The following CSMD1 variants were observed in gnomAD, a reference collection of about 807,000 sequenced individuals.
CSMD1 encodes the protein CUB and sushi domain-containing protein 1.
In CSMD1, 213 loss-of-function variants were observed where a neutral mutation model predicts 417.5. The ratio of observed to expected loss-of-function variants is 0.51; its 90% CI spans 0.46 to 0.57. The LOEUF is 0.57. Ranked by LOEUF, CSMD1 falls within the 20% of genes least tolerant of loss-of-function variation. The pLI is 0.00. For synonymous variants in CSMD1, 2,862 were observed against 1,736.8 expected, an observed-to-expected ratio of 1.65 and a Z score of -16.11; for missense variants, 6,923 against 4,529.7, an observed-to-expected ratio of 1.53 and a Z score of -15.17.
intron 1 of CSMD1, among the ~76,000 whole-genome samples, chr8:4,706,098 A>T (rs1236750637): frequency 6.6e-6 from 1 of 150,506 alleles, no homozygotes; most frequent in Non-Finnish European, 1.5e-5. Context: ...TATAATATAT[A>T]AAAACTATAT....
At chr8:3,942,177 T>TGGGA (rs1810928153) in intron 5 of CSMD1, among the ~76,000 whole-genome samples, 1 of 151,924 alleles carries the variant, frequency 6.6e-6, no homozygotes, top group Non-Finnish European at 1.5e-5. Context: ...AAACAAGGTG[T>TGGGA]GGGCTCCCAC....
At chr8:4,293,747 T>C (rs151062325) in intron 3 of CSMD1, among the ~76,000 whole-genome samples, 186 of 152,330 alleles carry the variant, frequency 1.2e-3, no homozygotes, top group African/African-American at 4.2e-3. Flanking sequence ...AAAGCACAGA[T>C]ATTTTTGTCT....
chr8:4,159,096 A>G (rs747614698), intron 3 of CSMD1, among the ~76,000 whole-genome samples: 2 of 152,008 alleles, frequency 1.3e-5, no homozygotes, highest in African/African-American at 2.4e-5. Flanking sequence ...TTGTATTTTT[A>G]GTAGAGACGA....
At chr8:3,045,170 T>C (rs1480772050) in intron 50 of CSMD1, among the ~76,000 whole-genome samples, 3 of 152,236 alleles carry the variant, frequency 2.0e-5, no homozygotes, top group East Asian at 3.9e-4. Flanking sequence ...AATGTTAACA[T>C]GGATTTCCAT....
At chr8:3,962,852 G>C (rs528443026) in intron 5 of CSMD1, among the ~76,000 whole-genome samples, 1 of 152,134 alleles carries the variant, frequency 6.6e-6, no homozygotes, top group African/African-American at 2.4e-5. Flanking sequence ...AAACAGACAT[G>C]ATTTCTATTA....
At chr8:4,541,199 A>T (rs538272414) in intron 2 of CSMD1, among the ~76,000 whole-genome samples, 3 of 152,234 alleles carry the variant, frequency 2.0e-5, no homozygotes, top group African/African-American at 7.2e-5. Flanking sequence ...GCATCTAGGG[A>T]CTGGAAGTCC....
chr8:4,626,660 G>A (rs531719554), intron 2 of CSMD1, among the ~76,000 whole-genome samples: 71 of 152,192 alleles, frequency 4.7e-4, no homozygotes, highest in African/African-American at 1.6e-3. Context: ...TTCTGAGGAA[G>A]AGCTCTGCAG....
chr8:3,066,061 C>G (rs1168432301), intron 49 of CSMD1, among the ~76,000 whole-genome samples: 1 of 152,126 alleles, frequency 6.6e-6, no homozygotes. Context: ...CCAAAGGTTA[C>G]AGAAAAATTG....
At chr8:3,908,302 T>C (rs1808242167) in intron 5 of CSMD1, among the ~76,000 whole-genome samples, 1 of 152,198 alleles carries the variant, frequency 6.6e-6, no homozygotes, top group African/African-American at 2.4e-5. Flanking sequence ...GCATATATCA[T>C]GAAAGGAAAT....
intron 3 of CSMD1, among the ~76,000 whole-genome samples, chr8:4,198,174 G>C (rs759724048): frequency 1.3e-5 from 2 of 152,168 alleles, no homozygotes; most frequent in African/African-American, 2.4e-5. Context: ...AGCATGATCA[G>C]GGGAGTCATT....
chr8:3,971,245 G>T (rs1585054546), intron 5 of CSMD1, among the ~76,000 whole-genome samples: 1 of 152,126 alleles, frequency 6.6e-6, no homozygotes, highest in African/African-American at 2.4e-5. Context: ...GCGCACTTCT[G>T]CCTGAGTTTT....
intron 5 of CSMD1, among the ~76,000 whole-genome samples, chr8:3,790,910 G>C (rs973763322): frequency 1.3e-5 from 2 of 152,138 alleles, no homozygotes; most frequent in African/African-American, 4.8e-5. Flanking sequence ...TGTCAAAACT[G>C]TCAGGTCCTA....
chr8:4,971,724 A>G (rs1810251555), intron 1 of CSMD1, among the ~76,000 whole-genome samples: 1 of 151,672 alleles, frequency 6.6e-6, no homozygotes, highest in South Asian at 2.1e-4. Context: ...TTCTATGATT[A>G]CATTCTTCAT....
chr8:4,251,919 A>T (rs1803109496), intron 3 of CSMD1, among the ~76,000 whole-genome samples: 1 of 150,544 alleles, frequency 6.6e-6, no homozygotes, highest in African/African-American at 2.5e-5. Context: ...ATAATGTGGG[A>T]ATGGGAAGGG....
At chr8:3,028,078 G>T (rs561721343) in intron 51 of CSMD1, among the ~76,000 whole-genome samples, 1 of 152,306 alleles carries the variant, frequency 6.6e-6, no homozygotes, top group South Asian at 2.1e-4. Flanking sequence ...AGAGAGACAA[G>T]AAAACGCTGT....
At chr8:4,147,117 C>G (rs1392317601) in intron 3 of CSMD1, among the ~76,000 whole-genome samples, 2 of 151,994 alleles carry the variant, frequency 1.3e-5, no homozygotes, top group Non-Finnish European at 2.9e-5. Context: ...CCCCTCCTGA[C>G]CAATCTCTTC....
chr8:4,126,100 A>G (rs1444685659), intron 3 of CSMD1, among the ~76,000 whole-genome samples: 4 of 151,710 alleles, frequency 2.6e-5, no homozygotes, highest in Non-Finnish European at 4.4e-5. Flanking sequence ...CAGCAAGAAA[A>G]ACTCACTTTG....
intron 7 of CSMD1, among the ~76,000 whole-genome samples, chr8:3,641,773 C>G (rs748477719): frequency 2.6e-5 from 4 of 152,208 alleles, no homozygotes; most frequent in Admixed American, 6.5e-5. Flanking sequence ...CCCAACCACT[C>G]ACTACCTCCT....
intron 12 of CSMD1, among the ~76,000 whole-genome samples, chr8:3,423,477 G>C (rs906108870): frequency 1.3e-5 from 2 of 152,176 alleles, no homozygotes; most frequent in Non-Finnish European, 2.9e-5. Context: ...ATGATTCTGA[G>C]ATTCATCCAT....
Sources: allele counts gnomAD v4.1 joint callset (sites outside exome capture counted in the v4.1 genomes callset), GRCh38; gene constraint gnomAD v4.1.1; transcripts MANE v1.5; gene names NCBI Gene and HGNC (gene_info 2026-07-23, HGNC 2026-07-21).